Variants in PCSK6 observed in about 807,000 individuals in gnomAD.
PCSK6 encodes the protein paired basic amino acid cleaving enzyme 4.
Under a neutral mutation model 123.3 loss-of-function variants are expected in PCSK6, and 85 were observed. The ratio of observed to expected loss-of-function variants is 0.69; its 90% CI spans 0.58 to 0.83. PCSK6 has a LOEUF of 0.83. Among genes scored for constraint, PCSK6 ranks in the 40% least tolerant of loss-of-function variants. The pLI is 0.00. For synonymous variants in PCSK6, 508 were observed against 516.0 expected, an observed-to-expected ratio of 0.98 and a Z score of 0.21; for missense variants, 1,191 against 1,282.3, an observed-to-expected ratio of 0.93 and a Z score of 1.09.
chr15:101,418,162 A>G (rs2055955367), intron 6 of PCSK6, among the ~76,000 whole-genome samples: 1 of 152,218 alleles, frequency 6.6e-6, no homozygotes, highest in Non-Finnish European at 1.5e-5. Context: ...AATCTCCTCA[A>G]GAAGAAACAG....
intron 1 of PCSK6, among the ~76,000 whole-genome samples, chr15:101,466,523 C>T (rs562122940): frequency 7.9e-5 from 12 of 152,304 alleles, no homozygotes; most frequent in African/African-American, 1.7e-4. Context: ...TAAAAACATA[C>T]GTCCACATAC....
chr15:101,386,261 G>A (rs111476683), intron 9 of PCSK6, among the ~76,000 whole-genome samples: 1 of 152,178 alleles, frequency 6.6e-6, no homozygotes. Flanking sequence ...AGAAGAGAGA[G>A]AGCTGAAGTA....
At chr15:101,334,874 C>A (rs2040442002) in intron 13 of PCSK6, among the ~76,000 whole-genome samples, 1 of 152,156 alleles carries the variant, frequency 6.6e-6, no homozygotes, top group African/African-American at 2.4e-5. Context: ...AGACAGGCAG[C>A]CTCATGGGAG....
chr15:101,350,271 G>A (rs910483838), intron 13 of PCSK6, among the ~76,000 whole-genome samples: 1 of 152,098 alleles, frequency 6.6e-6, no homozygotes, highest in Non-Finnish European at 1.5e-5. Context: ...TTATTTGTAT[G>A]TTTTCTTTAC....
At chr15:101,412,714 A>ATATATATATATATATATATATATAT (rs1326677557) in intron 6 of PCSK6, among the ~76,000 whole-genome samples, 1 of 113,848 alleles carries the variant, frequency 8.8e-6, no homozygotes, top group African/African-American at 3.7e-5. Flanking sequence ...TATATATATA[A>ATATATATATATATATATATATATAT]AATTACCCAA....
intron 6 of PCSK6, among the ~76,000 whole-genome samples, chr15:101,409,895 T>A (rs1258586748): frequency 6.6e-6 from 1 of 152,160 alleles, no homozygotes; most frequent in Non-Finnish European, 1.5e-5. Flanking sequence ...TGGGATCACA[T>A]CCTCAGCCTG....
intron 13 of PCSK6, among the ~76,000 whole-genome samples, chr15:101,362,180 TC>T (rs1708533622): frequency 6.6e-6 from 1 of 152,068 alleles, no homozygotes; most frequent in African/African-American, 2.4e-5. Flanking sequence ...ATGGTCTCGA[TC>T]TCCTGACCTT....
At chr15:101,308,129 C>T (rs737033) in intron 20 of PCSK6, 21,332 of 152,284 alleles carry the variant, frequency 0.14, 1,633 homozygotes, top group African/African-American at 0.21. Flanking sequence ...CGATGCGGGC[C>T]GAGTGCTTGA....
At chr15:101,362,020 A>G (rs575237446) in intron 13 of PCSK6, among the ~76,000 whole-genome samples, 13 of 137,632 alleles carry the variant, frequency 9.4e-5, no homozygotes, top group East Asian at 7.1e-4. Flanking sequence ...GCAGTGGCGC[A>G]ATCTCAGCTC....
At chr15:101,479,772 T>TC (rs1266549180) in intron 1 of PCSK6, among the ~76,000 whole-genome samples, 1 of 150,988 alleles carries the variant, frequency 6.6e-6, no homozygotes, top group Non-Finnish European at 1.5e-5. Context: ...GCCCCTCCCT[T>TC]CCCCTCCACC....
At chr15:101,314,928 T>C (rs954100339) in intron 19 of PCSK6, among the ~76,000 whole-genome samples, 1 of 152,200 alleles carries the variant, frequency 6.6e-6, no homozygotes, top group Non-Finnish European at 1.5e-5. Context: ...ATCACTGGTC[T>C]CTGGGAGCAT....
At chr15:101,460,887 G>A (rs1374933008) in intron 1 of PCSK6, among the ~76,000 whole-genome samples, 1 of 152,156 alleles carries the variant, frequency 6.6e-6, no homozygotes, top group Non-Finnish European at 1.5e-5. Flanking sequence ...CATGGGAACT[G>A]TGGACATGAC....
At chr15:101,371,471 T>TA (rs562046245) in intron 11 of PCSK6, among the ~76,000 whole-genome samples, 180 of 152,234 alleles carry the variant, frequency 1.2e-3, no homozygotes, top group African/African-American at 4.1e-3. Context: ...AACAAACAAA[T>TA]AAAAAATCCC....
At chr15:101,470,897 A>G (rs918064037) in intron 1 of PCSK6, among the ~76,000 whole-genome samples, 3 of 152,204 alleles carry the variant, frequency 2.0e-5, no homozygotes, top group Admixed American at 6.5e-5. Flanking sequence ...TGAAAATTCT[A>G]CACAAAGTCA....
chr15:101,391,985 A>C (rs2042246186), intron 8 of PCSK6, among the ~76,000 whole-genome samples: 1 of 152,252 alleles, frequency 6.6e-6, no homozygotes, highest in South Asian at 2.1e-4. Context: ...TACAGATCAC[A>C]CGCTGACGTG....
At chr15:101,359,719 G>A (rs1488153413) in intron 13 of PCSK6, among the ~76,000 whole-genome samples, 2 of 152,220 alleles carry the variant, frequency 1.3e-5, no homozygotes, top group Non-Finnish European at 2.9e-5. Flanking sequence ...CAGGGCATGC[G>A]GTTCCGTGCT....
chr15:101,307,065 G>A (rs977268642), intron 21 of PCSK6, 148 bp downstream of exon 21: 2 of 634,824 alleles, frequency 3.2e-6, no homozygotes. Context: ...TCAGCTAGAG[G>A]AATCCCAGAC....
intron 13 of PCSK6, chr15:101,347,175 AG>A (rs1268018748): frequency 6.5e-6 from 8 of 1,231,786 alleles, no homozygotes; most frequent in Non-Finnish European, 8.1e-6. Flanking sequence ...CCGGCACAGA[AG>A]GCATGTGCTT....
At chr15:101,459,020 T>A (rs2057265964) in intron 1 of PCSK6, among the ~76,000 whole-genome samples, 1 of 152,172 alleles carries the variant, frequency 6.6e-6, no homozygotes, top group Non-Finnish European at 1.5e-5. Flanking sequence ...AGAAGTGGCG[T>A]GTGTGTAGCT....
Sources: gnomAD v4.1 joint callset for allele counts (sites outside exome capture counted in the v4.1 genomes callset) on GRCh38, gnomAD v4.1.1 for gene constraint, MANE v1.5 for transcripts, NCBI Gene and HGNC (gene_info 2026-07-23, HGNC 2026-07-21) for gene names.